PCDHGA8: variants seen among roughly 807,000 people sequenced by gnomAD.
PCDHGA8 encodes protocadherin gamma subfamily A, 8.
In PCDHGA8, 45 loss-of-function variants were observed where a neutral mutation model predicts 59.2. The ratio of observed to expected loss-of-function variants is 0.76; its 90% CI spans 0.60 to 0.98. The LOEUF (loss-of-function observed/expected upper bound fraction) is 0.98, where lower values mean the gene tolerates loss of function less well. Ranked by LOEUF, PCDHGA8 falls within the 50% of genes least tolerant of loss-of-function variation. The pLI, the probability that PCDHGA8 is intolerant of heterozygous loss-of-function variation, is 0.00. For missense variants in PCDHGA8, 1,257 were observed against 1,196.2 expected (o/e 1.05, Z -0.75); for synonymous variants, 531 against 519.0 (o/e 1.02, Z -0.32).
intron 3 of PCDHGA8, among the ~76,000 whole-genome samples, chr5:141,506,564 G>A (rs984395438): frequency 5.3e-5 from 8 of 152,016 alleles, no homozygotes; most frequent in East Asian, 1.9e-4. Context: ...AAACCCCCTC[G>A]GTTTCACTTA....
intron 1 of PCDHGA8, chr5:141,419,435 C>CGCACCT (rs2096383167): frequency 6.2e-7 from 1 of 1,613,108 alleles, no homozygotes; most frequent in Admixed American, 1.7e-5. Context: ...CGAGCAGCTG[C>CGCACCT]GCACCTTCGA....
At chr5:141,484,347 T>C (rs569724902) in intron 1 of PCDHGA8, among the ~76,000 whole-genome samples, 2 of 152,302 alleles carry the variant, frequency 1.3e-5, no homozygotes, top group East Asian at 1.9e-4. Flanking sequence ...AATGGTAATT[T>C]AGTGTATCTA....
At chr5:141,403,949 G>C (rs1167033357) in intron 1 of PCDHGA8, 2 of 1,613,886 alleles carry the variant, frequency 1.2e-6, no homozygotes, top group Non-Finnish European at 1.7e-6. Flanking sequence ...GTGGACAAAA[G>C]TGCTCATTTC....
chr5:141,489,101 T>G lies in PCDHGA8; in HGVS notation c.2425-5706T>G. 1 of 398,408 alleles carries G rather than the reference T, an allele frequency of 2.5e-6. No homozygotes were observed. Among genetic ancestry groups the G allele is most frequent in the Non-Finnish European group, 4.5e-6 (1 of 223,328 alleles). The allele number at this position is 398,408 out of a possible 1,614,324, so 24.7% of individuals were successfully genotyped here. On this transcript the variant is annotated intron_variant, in intron 1 of 3. Transcript: ENST00000398604. The surrounding 1 kb of genome is among the most constrained non-coding windows in gnomAD (Gnocchi z 4.5). Reference sequence around the variant, plus strand: ...CCGCCACTCGGTGACTAAGAACTGCTGCAAGCAGGCAAACCTCCGAGCAGT... The same window carrying G: ...CCGCCACTCGGTGACTAAGAACTGCGGCAAGCAGGCAAACCTCCGAGCAGT...
At chr5:141,398,502 C>A in intron 1 of PCDHGA8, 1 of 1,596,962 alleles carries the variant, frequency 6.3e-7, no homozygotes, top group Admixed American at 1.7e-5. Flanking sequence ...AGATCGAGGA[C>A]ATTAATGACC....
chr5:141,423,195 G>C, intron 1 of PCDHGA8: 14 of 1,613,544 alleles, frequency 8.7e-6, no homozygotes, highest in Non-Finnish European at 1.2e-5. Flanking sequence ...CCCCTCTCTC[G>C]GCCACCGTCA....
intron 1 of PCDHGA8, chr5:141,408,968 C>T (rs752629281): frequency 6.2e-7 from 1 of 1,613,702 alleles, no homozygotes; most frequent in Non-Finnish European, 8.5e-7. Context: ...TGAAAATCTG[C>T]CCCCTGGGTC....
At chr5:141,404,451 C>G in intron 1 of PCDHGA8, 4 of 1,613,166 alleles carry the variant, frequency 2.5e-6, no homozygotes, top group Non-Finnish European at 3.4e-6. Flanking sequence ...CAAGGGTCTC[C>G]TCTCTCCACC....
At chr5:141,406,072 C>CT (rs530474569) in intron 1 of PCDHGA8, among the ~76,000 whole-genome samples, 26,413 of 141,282 alleles carry the variant, frequency 0.19, 2,878 homozygotes, top group African/African-American at 0.31. Context: ...ATTCTTACTC[C>CT]TTTTTTTTTT....
chr5:141,462,486 G>A (rs62379193), intron 1 of PCDHGA8, among the ~76,000 whole-genome samples: 5,124 of 152,042 alleles, frequency 0.034, 100 homozygotes, highest in Middle Eastern at 0.088. Flanking sequence ...CGTGGTTGTT[G>A]TATCCTATAA....
At chr5:141,479,328 G>C (rs568506786) in intron 1 of PCDHGA8, 3 of 152,536 alleles carry the variant, frequency 2.0e-5, no homozygotes, top group African/African-American at 7.2e-5. Context: ...CAGACTCAGT[G>C]GTGTGCACCT....
rs375665864 is a variant in PCDHGA8, at chr5:141,469,524, A to G, written c.2425-25283A>G. Among the ~76,000 whole-genome samples the G allele has an allele frequency of 2.4e-4, 36 of 152,260 alleles. No homozygotes were observed. The East Asian group carries it at 3.1e-3, about 13-fold the overall frequency. On this transcript the variant is annotated intron_variant, in intron 1 of 3. Coordinates refer to ENST00000398604, the MANE Select transcript of PCDHGA8 (RefSeq NM_032088.2). ...CGGGAGGTGGAGGTTGCAGTGAGCCAAGATTGTGCCACTGCACTCCAGCCT... is the reference window on the plus strand; with the variant it reads ...CGGGAGGTGGAGGTTGCAGTGAGCCGAGATTGTGCCACTGCACTCCAGCCT...
chr5:141,471,626 G>A (rs938624727), intron 1 of PCDHGA8: 2 of 152,108 alleles, frequency 1.3e-5, no homozygotes, highest in South Asian at 4.1e-4. Context: ...GTAAGCATTG[G>A]TATGGATTAG....
At chr5:141,429,647 T>C (rs1430094173) in intron 1 of PCDHGA8, among the ~76,000 whole-genome samples, 2 of 152,272 alleles carry the variant, frequency 1.3e-5, no homozygotes, top group African/African-American at 4.8e-5. Flanking sequence ...TATATATTTC[T>C]TCCCAATTTA....
Position 141,489,941 on chromosome 5 carries a change from A to G in PCDHGA8, c.2425-4866A>G. Reference sequence around the variant, plus strand: ...ACCCTTATCTCTGTCATCGTGCTGGACATCAATGATAATGCTCCAACCTTC... The same window carrying G: ...ACCCTTATCTCTGTCATCGTGCTGGGCATCAATGATAATGCTCCAACCTTC... On this transcript the variant is annotated intron_variant, in intron 1 of 3. Transcript: ENST00000398604. The surrounding 1 kb of genome is among the most constrained non-coding windows in gnomAD (Gnocchi z 4.5). 1.2e-6 allele frequency: 2 copies of G among 1,614,228 alleles called. No homozygotes were observed. The highest frequency in any genetic ancestry group is 1.7e-6 in the Non-Finnish European group (2 of 1,180,034).
In PCDHGA8 at chr5:141,489,307, T is replaced by A; in HGVS notation, c.2425-5500T>A. On this transcript the variant is annotated intron_variant, in intron 1 of 3. Transcript: ENST00000398604. The surrounding 1 kb of genome is among the most constrained non-coding windows in gnomAD (Gnocchi z 4.5). ...AGTGCTGTGCATGTTGTCCTTGTGCTGCTGGGGCTGGGTGTCTGGGCAGCT... is the reference window on the plus strand; with the variant it reads ...AGTGCTGTGCATGTTGTCCTTGTGCAGCTGGGGCTGGGTGTCTGGGCAGCT... The A allele has an allele frequency of 6.3e-7, 1 of 1,591,138 alleles. No individual in the cohort carries two copies. The highest frequency in any genetic ancestry group is 8.6e-7 in the Non-Finnish European group (1 of 1,168,222).
At chr5:141,421,435 A>G (rs775839500) in intron 1 of PCDHGA8, 3 of 1,614,108 alleles carry the variant, frequency 1.9e-6, no homozygotes, top group East Asian at 4.5e-5. Context: ...CATCGTCTCC[A>G]GAGGGAAGAC....
rs201458212 is a variant in PCDHGA8 at position 141,487,439 on chromosome 5, T to A, written c.2425-7368T>A. On this transcript the variant is annotated intron_variant, in intron 1 of 3. Coordinates refer to ENST00000398604, the MANE Select transcript of PCDHGA8 (RefSeq NM_032088.2). The surrounding 1 kb of genome is among the most constrained non-coding windows in gnomAD (Gnocchi z 5.0). ...TGGGATCCTCCGAATCCAGCTAGGG[T>A]CAGATGACCCTATCAAGTTTGTTGA... The A allele has an allele frequency of 1.5e-4, 242 of 1,613,808 alleles. No individual in the cohort carries two copies. Among genetic ancestry groups the A allele is most frequent in the Non-Finnish European group, 1.9e-4 (230 of 1,179,978 alleles).
intron 1 of PCDHGA8, among the ~76,000 whole-genome samples, chr5:141,406,925 GTAT>G (rs2094866637): frequency 6.6e-6 from 1 of 152,150 alleles, no homozygotes; most frequent in South Asian, 2.1e-4. Flanking sequence ...AGAGAATAAT[GTAT>G]TATTTAATGT....
Sources: allele counts gnomAD v4.1 joint callset (sites outside exome capture counted in the v4.1 genomes callset), GRCh38; gene constraint gnomAD v4.1.1; non-coding constraint Gnocchi (gnomAD v3.1); transcripts MANE v1.5; gene names NCBI Gene and HGNC (gene_info 2026-07-23, HGNC 2026-07-21).